The following DLG5 variants were observed in gnomAD, a reference collection of about 807,000 sequenced individuals.
DLG5 encodes disks large homolog 5.
Under a neutral mutation model 189.8 loss-of-function variants are expected in DLG5, and 48 were observed. The observed-to-expected ratio is 0.25, with a 90% CI of 0.20 to 0.32. DLG5 has a LOEUF of 0.32. Ranked by LOEUF, DLG5 falls within the 10% of genes least tolerant of loss-of-function variation. The pLI is 1.00. For missense variants in DLG5, 2,160 were observed against 2,544.7 expected, an observed-to-expected ratio of 0.85 and a Z score of 3.25; for synonymous variants, 1,016 against 1,054.1, an observed-to-expected ratio of 0.96 and a Z score of 0.70.
intron 11 of DLG5, 121 bp downstream of exon 11, chr10:77,830,096 G>C: frequency 3.1e-6 from 4 of 1,272,834 alleles, no homozygotes; most frequent in Non-Finnish European, 4.4e-6. Flanking sequence ...GCCTTGGACA[G>C]ACTGTGTGTG....
At chr10:77,851,437 G>A (rs1392255050) in intron 5 of DLG5, among the ~76,000 whole-genome samples, 1 of 152,138 alleles carries the variant, frequency 6.6e-6, no homozygotes, top group Non-Finnish European at 1.5e-5. Context: ...CCCACCTCCT[G>A]AATCTATAAA....
intron 23 of DLG5, among the ~76,000 whole-genome samples, chr10:77,810,180 G>C (rs1242906493): frequency 2.6e-5 from 4 of 152,242 alleles, no homozygotes; most frequent in Non-Finnish European, 4.4e-5. Context: ...TTGTGAAGAG[G>C]GGCCCCTTGC....
At chr10:77,911,204 T>C (rs746322684) in intron 1 of DLG5, among the ~76,000 whole-genome samples, 101 of 152,180 alleles carry the variant, frequency 6.6e-4, no homozygotes, top group African/African-American at 2.4e-3. Flanking sequence ...TCTCAGCTCA[T>C]GCAACCTCTA....
At chr10:77,913,256 A>T (rs1589278032) in intron 1 of DLG5, among the ~76,000 whole-genome samples, 1 of 152,254 alleles carries the variant, frequency 6.6e-6, no homozygotes, top group East Asian at 1.9e-4. Flanking sequence ...CATTTTTAAA[A>T]GTTCTTCCTG....
At chr10:77,841,093 T>A (rs1564536622) in intron 7 of DLG5, among the ~76,000 whole-genome samples, 2 of 152,096 alleles carry the variant, frequency 1.3e-5, no homozygotes, top group Admixed American at 1.3e-4. Context: ...AGGAAAAAAA[T>A]CTGCTGTGAT....
intron 1 of DLG5, among the ~76,000 whole-genome samples, chr10:77,873,161 G>A (rs1323809108): frequency 6.6e-6 from 1 of 152,076 alleles, no homozygotes; most frequent in African/African-American, 2.4e-5. Flanking sequence ...CAGAAAAGGG[G>A]AGCTTGAGGC....
intron 13 of DLG5, 173 bp from the exon 14 acceptor site, chr10:77,824,649 AAG>A: frequency 1.7e-6 from 1 of 574,066 alleles, no homozygotes; most frequent in Non-Finnish European, 3.1e-6. Context: ...GAGTCCAACT[AAG>A]GGGATTCTGA....
rs750017963 is a variant in DLG5, at chr10:77,794,005, T to A, written c.5656+3A>T. 8 of 1,613,654 alleles carry A rather than the reference T, an allele frequency of 5.0e-6. No homozygotes were observed. The highest frequency in any genetic ancestry group is 1.1e-5 in the South Asian group (1 of 91,062). On this transcript the variant is annotated splice_donor_region_variant and intron_variant, in intron 31 of 31. Coordinates refer to ENST00000372391, the MANE Select transcript of DLG5 (RefSeq NM_004747.4). ...TCCCCACTCCAGGCCCACGCACACC[T>A]ACCTGTGAAGTACCTGCTGTACTCC...
At chr10:77,923,810 C>G (rs974822481) in intron 1 of DLG5, among the ~76,000 whole-genome samples, 1 of 152,210 alleles carries the variant, frequency 6.6e-6, no homozygotes, top group Non-Finnish European at 1.5e-5. Flanking sequence ...CCATGTCACC[C>G]TCTTCCCCAG....
intron 1 of DLG5, among the ~76,000 whole-genome samples, chr10:77,901,886 G>T (rs1020981481): frequency 3.3e-5 from 5 of 152,204 alleles, no homozygotes; most frequent in African/African-American, 1.2e-4. Context: ...GGCCCAGCCA[G>T]AAAGCCAACT....
At chr10:77,878,786 A>G (rs947671889) in intron 1 of DLG5, among the ~76,000 whole-genome samples, 3 of 152,166 alleles carry the variant, frequency 2.0e-5, no homozygotes, top group African/African-American at 4.8e-5. Flanking sequence ...GTTCACAAAG[A>G]AAAAACCAGA....
At chr10:77,823,469 T>C (rs914390119) in intron 14 of DLG5, among the ~76,000 whole-genome samples, 3 of 151,834 alleles carry the variant, frequency 2.0e-5, no homozygotes, top group Non-Finnish European at 4.4e-5. Flanking sequence ...TTTTTGTCTA[T>C]AATGATACTA....
intron 1 of DLG5, among the ~76,000 whole-genome samples, chr10:77,898,717 T>C (rs970374501): frequency 3.3e-5 from 5 of 152,204 alleles, no homozygotes; most frequent in African/African-American, 1.2e-4. Flanking sequence ...AGTGGGCCCC[T>C]GCCCCCTCCA....
intron 1 of DLG5, among the ~76,000 whole-genome samples, chr10:77,894,505 C>T (rs1180853429): frequency 2.0e-5 from 3 of 147,622 alleles, no homozygotes; most frequent in South Asian, 2.2e-4. Context: ...AAATTTTCTA[C>T]ATGAATGTGC....
At position 77,792,247 on chromosome 10, in the gene DLG5, G is replaced by A; in HGVS notation, c.*193C>T. 2 of 616,374 alleles carry A rather than the reference G, an allele frequency of 3.2e-6. No homozygotes were observed. The highest frequency in any genetic ancestry group is 1.9e-5 in the South Asian group (1 of 52,200). The allele number at this position is 616,374 out of a possible 1,614,324, so 38.2% of individuals were successfully genotyped here. A position where few individuals can be genotyped will look rare whatever the true frequency, so the allele number is the denominator to read the frequency against. Reference sequence around the variant, plus strand: ...AGCACACGTGTGACACGGGCAGAGTGTGTGGGCCTGGGCCTGGATCGCACG... The same window carrying A: ...AGCACACGTGTGACACGGGCAGAGTATGTGGGCCTGGGCCTGGATCGCACG... On this transcript the variant is annotated 3_prime_UTR_variant, in exon 32 of 32. Coordinates refer to ENST00000372391, the MANE Select transcript of DLG5 (RefSeq NM_004747.4).
At chr10:77,881,957 C>T (rs1415069710) in intron 1 of DLG5, among the ~76,000 whole-genome samples, 2 of 152,242 alleles carry the variant, frequency 1.3e-5, no homozygotes, top group East Asian at 3.9e-4. Flanking sequence ...TTATCTAAGA[C>T]ATCAGCAAAC....
chr10:77,895,724 C>T (rs1617018), intron 1 of DLG5, among the ~76,000 whole-genome samples: 107,905 of 152,084 alleles, frequency 0.71, 38,723 homozygotes, highest in African/African-American at 0.81. Context: ...CAGTAGTCAG[C>T]GTAGGCTGGG....
At chr10:77,868,040 C>T (rs1464294776) in intron 2 of DLG5, 7 of 456,570 alleles carry the variant, frequency 1.5e-5, no homozygotes, top group Middle Eastern at 3.2e-4. Flanking sequence ...CCACCAGAAG[C>T]GAGGAGAGAG....
At chr10:77,833,210 C>T (rs956520329) in intron 9 of DLG5, among the ~76,000 whole-genome samples, 13 of 152,120 alleles carry the variant, frequency 8.5e-5, no homozygotes, top group African/African-American at 3.1e-4. Context: ...CTACTAAAGG[C>T]CACTGAGTGT....
Sources: gnomAD v4.1 joint callset for allele counts (sites outside exome capture counted in the v4.1 genomes callset) on GRCh38, gnomAD v4.1.1 for gene constraint, MANE v1.5 for transcripts, NCBI Gene and HGNC (gene_info 2026-07-23, HGNC 2026-07-21) for gene names.